PLA2G4E: variants seen among roughly 807,000 people sequenced by gnomAD.
The protein encoded by PLA2G4E is cytosolic phospholipase A2 epsilon.
PLA2G4E carries 84 observed loss-of-function variants against 109.1 expected under a neutral mutation model. That is an observed-to-expected ratio of 0.77 (90% CI 0.65 to 0.92). The LOEUF is 0.92. Among genes scored for constraint, PLA2G4E ranks in the 40% least tolerant of loss-of-function variants. The pLI is 0.00. For synonymous variants in PLA2G4E, 469 were observed against 436.1 expected (o/e 1.08, Z -0.94); for missense variants, 1,057 against 1,076.6 (o/e 0.98, Z 0.25).
chr15:42,001,189 G>A (rs369614281), exon 7 of PLA2G4E: 2 of 1,613,796 alleles, frequency 1.2e-6, no homozygotes, highest in East Asian at 2.2e-5. Context: ...CCTGGATTGT[G>A]CATGAACCTC....
chr15:41,997,405 T>C, intron 10 of PLA2G4E, 146 bp from the exon 11 acceptor site: 2 of 881,734 alleles, frequency 2.3e-6, no homozygotes, highest in Non-Finnish European at 3.2e-6. Context: ...TTCCCATCTG[T>C]AAAGTGGGGC....
chr15:42,035,750 A>AT (rs1889201759), intron 1 of PLA2G4E, among the ~76,000 whole-genome samples: 2 of 152,246 alleles, frequency 1.3e-5, no homozygotes, highest in Admixed American at 6.5e-5. Context: ...CACCAGTGTG[A>AT]TTTTTTAAGG....
intron 1 of PLA2G4E, among the ~76,000 whole-genome samples, chr15:42,016,285 G>GC (rs2068594404): frequency 9.1e-6 from 1 of 109,900 alleles, no homozygotes; most frequent in Admixed American, 1.2e-4. Flanking sequence ...TCACTCTGTT[G>GC]CCTTGGCTAG....
chr15:41,992,634 C>A, intron 13 of PLA2G4E, 103 bp downstream of exon 13: 1 of 1,149,584 alleles, frequency 8.7e-7, no homozygotes, highest in Non-Finnish European at 1.2e-6. Flanking sequence ...GCAGGTCTAA[C>A]CTAATCCCCT....
At chr15:42,007,357 C>G (rs111555976) in intron 3 of PLA2G4E, among the ~76,000 whole-genome samples, 18 of 152,200 alleles carry the variant, frequency 1.2e-4, no homozygotes, top group African/African-American at 4.1e-4. Flanking sequence ...GGGAGAGAAC[C>G]CTCTGGCTGG....
exon 20 of PLA2G4E, chr15:41,983,705 C>T (rs941873666): frequency 4.0e-6 from 6 of 1,495,868 alleles, no homozygotes; most frequent in Middle Eastern, 2.3e-4. Flanking sequence ...AGGGGTCCTG[C>T]ACCTCTGATG....
At chr15:42,035,779 G>A (rs974308532) in intron 1 of PLA2G4E, among the ~76,000 whole-genome samples, 1 of 152,180 alleles carries the variant, frequency 6.6e-6, no homozygotes, top group East Asian at 1.9e-4. Flanking sequence ...TGGAGTCATA[G>A]GTATCCATTT....
At chr15:42,015,356 C>A (rs1013974531) in intron 1 of PLA2G4E, among the ~76,000 whole-genome samples, 1 of 152,206 alleles carries the variant, frequency 6.6e-6, no homozygotes, top group Non-Finnish European at 1.5e-5. Flanking sequence ...TCTCCCAGTG[C>A]CCCTCTGCCT....
At chr15:42,038,382 A>G (rs1237919253) in intron 1 of PLA2G4E, among the ~76,000 whole-genome samples, 1 of 152,224 alleles carries the variant, frequency 6.6e-6, no homozygotes, top group African/African-American at 2.4e-5. Context: ...AACTCACCAT[A>G]ATGTAGAATC....
intron 1 of PLA2G4E, among the ~76,000 whole-genome samples, chr15:42,046,384 T>C (rs1889416333): frequency 6.6e-6 from 1 of 152,214 alleles, no homozygotes; most frequent in African/African-American, 2.4e-5. Flanking sequence ...CTTTCCCTGC[T>C]CTCTGCTCTC....
At chr15:41,991,856 C>A (rs975292007) in intron 13 of PLA2G4E, among the ~76,000 whole-genome samples, 2 of 152,138 alleles carry the variant, frequency 1.3e-5, no homozygotes, top group African/African-American at 2.4e-5. Context: ...TCCTCTGGGG[C>A]CAGGCAACAA....
intron 17 of PLA2G4E, among the ~76,000 whole-genome samples, chr15:41,986,438 T>C (rs1293489780): frequency 1.3e-5 from 2 of 151,856 alleles, no homozygotes; most frequent in African/African-American, 4.8e-5. Context: ...AGGACCACAG[T>C]TTAAGGCCTG....
At chr15:42,028,926 C>T (rs758623897) in intron 1 of PLA2G4E, among the ~76,000 whole-genome samples, 17 of 152,104 alleles carry the variant, frequency 1.1e-4, no homozygotes, top group Admixed American at 4.6e-4. Context: ...AGATGTGACT[C>T]TATTTCATGA....
rs185816693 is a variant in PLA2G4E at position 41,989,530 on chromosome 15, G to A, written c.1608C>T (p.Tyr536=). The A allele has an allele frequency of 3.9e-4, 627 of 1,613,708 alleles. 3 individuals are homozygous for A. The African/African-American group carries it at 6.9e-3, about 18-fold the overall frequency. Residue 536 remains tyrosine (Y), a synonymous_variant, in exon 15 of 20, where the codon TAC becomes TAT. Transcript: ENST00000399518. ...CCCCATACTTCTGCAGGCCCACCTCGTAGGGGGAGAACTCGAACCACTCTG... is the reference window on the plus strand; with the variant it reads ...CCCCATACTTCTGCAGGCCCACCTCATAGGGGGAGAACTCGAACCACTCTG...
Position 42,000,304 on chromosome 15 carries a change from T to A in PLA2G4E, c.674-22A>T, listed in dbSNP as rs572261993. On this transcript the variant is annotated intron_variant, in intron 7 of 19. Coordinates refer to ENST00000399518, the Ensembl canonical transcript of PLA2G4E. The stretch of plus-strand genomic sequence containing the variant: ...TTCACTGGGAGAGAGGACAAGAGGG[T>A]GAGACCCTGGGAGCCTCTCACTACC... The A allele has an allele frequency of 1.7e-5, 26 of 1,547,490 alleles. No individual in the cohort carries two copies. In the East Asian group the frequency reaches 5.1e-4, roughly 30 times the overall value.
intron 1 of PLA2G4E, among the ~76,000 whole-genome samples, chr15:42,021,523 A>T (rs987813550): frequency 1.3e-5 from 2 of 152,010 alleles, no homozygotes; most frequent in African/African-American, 4.8e-5. Context: ...ACTCCCAAAG[A>T]GACCAGGGTC....
At chr15:42,016,202 CTA>C (rs1402188726) in intron 1 of PLA2G4E, among the ~76,000 whole-genome samples, 1 of 146,640 alleles carries the variant, frequency 6.8e-6, no homozygotes, top group African/African-American at 2.5e-5. Flanking sequence ...AAAAAAGTTT[CTA>C]TAATCCCACC....
intron 1 of PLA2G4E, among the ~76,000 whole-genome samples, chr15:42,025,195 CAAAAAAGAAAAAAAA>C (rs968779420): frequency 2.7e-5 from 2 of 73,094 alleles, no homozygotes; most frequent in African/African-American, 1.3e-4. Flanking sequence ...AACTCTGTCT[CAAAAAAGAAAAAAAA>C]AAAAAGGAAA....
chr15:42,047,305 C>T (rs1399590048), intron 1 of PLA2G4E, among the ~76,000 whole-genome samples: 1 of 152,178 alleles, frequency 6.6e-6, no homozygotes, highest in Non-Finnish European at 1.5e-5. Flanking sequence ...GCTCCAGAGG[C>T]TGGGAAGTCT....
Sources: allele counts gnomAD v4.1 joint callset (sites outside exome capture counted in the v4.1 genomes callset), GRCh38; gene constraint gnomAD v4.1.1; transcripts MANE v1.5; gene names NCBI Gene and HGNC (gene_info 2026-07-23, HGNC 2026-07-21).